Variants in FAM120A observed in about 807,000 individuals in gnomAD.
The protein encoded by FAM120A is family with sequence similarity 120 member A, also known as constitutive coactivator of PPAR-gamma-like protein 1.
A neutral mutation model predicts 109.7 loss-of-function variants in FAM120A; 15 were observed. That is an observed-to-expected ratio of 0.14 (90% CI 0.09 to 0.21). FAM120A has a LOEUF of 0.21. Ranked by LOEUF, FAM120A falls within the 10% of genes least tolerant of loss-of-function variation. The pLI is 1.00. For synonymous variants in FAM120A, 493 were observed against 572.8 expected (o/e 0.86, Z 1.99); for missense variants, 899 against 1,439.3 (o/e 0.62, Z 6.07).
At chr9:93,475,950 C>A (rs1015180601) in intron 2 of FAM120A, among the ~76,000 whole-genome samples, 1 of 152,122 alleles carries the variant, frequency 6.6e-6, no homozygotes, top group African/African-American at 2.4e-5. Context: ...TATTTGATAT[C>A]CTGACATTGT....
chr9:93,511,380 T>C (rs1860312379), intron 5 of FAM120A, among the ~76,000 whole-genome samples: 1 of 152,200 alleles, frequency 6.6e-6, no homozygotes, highest in African/African-American at 2.4e-5. Flanking sequence ...GAGTTGCTCC[T>C]CCATCCTTTG....
intron 9 of FAM120A, chr9:93,531,341 A>G (rs1020411743): frequency 3.3e-5 from 5 of 152,256 alleles, no homozygotes; most frequent in Non-Finnish European, 7.3e-5. Flanking sequence ...AATGAACTTC[A>G]TAGACATTGA....
chr9:93,497,439 TC>T (rs754302450), intron 3 of FAM120A, 31 bp from the exon 4 acceptor site: 14 of 1,609,368 alleles, frequency 8.7e-6, no homozygotes, highest in Non-Finnish European at 1.0e-5. Flanking sequence ...TTGCTCACCA[TC>T]CACTGTTGAC....
rs1319145105 is a variant in FAM120A at position 93,500,870 on chromosome 9, C to T, written c.1030+1984C>T. Among the ~76,000 whole-genome samples the T allele has an allele frequency of 6.6e-6, 1 of 152,148 alleles. No individual in the cohort carries two copies. The highest frequency in any genetic ancestry group is 1.9e-4 in the East Asian group (1 of 5,200). ...CCACCTGTGGCCTACTGCCTCCTGA[C>T]CTCGAGCTCCCTATTTTATAGAATG... On this transcript the variant is annotated intron_variant, in intron 5 of 17. Coordinates refer to ENST00000277165, the MANE Select transcript of FAM120A (RefSeq NM_014612.5). The surrounding 1 kb of genome is among the most constrained non-coding windows in gnomAD (Gnocchi z 4.6).
intron 7 of FAM120A, among the ~76,000 whole-genome samples, chr9:93,524,199 C>T (rs1266128076): frequency 6.6e-6 from 1 of 152,186 alleles, no homozygotes; most frequent in Non-Finnish European, 1.5e-5. Context: ...GATTTATTTT[C>T]TTCCATTTTG....
chr9:93,528,039 C>G (rs1861163108), intron 8 of FAM120A, among the ~76,000 whole-genome samples: 2 of 152,166 alleles, frequency 1.3e-5, no homozygotes. Context: ...GGTTTCCTGC[C>G]TGAAGGTTTT....
rs141349989 is a variant in FAM120A at position 93,486,495 on chromosome 9, A to G, written c.804+10157A>G. Among the ~76,000 whole-genome samples the G allele has an allele frequency of 2.0e-4, 30 of 150,176 alleles. No individual in the cohort carries two copies. The East Asian group carries it at 4.5e-3, about 22-fold the overall frequency. On this transcript the variant is annotated intron_variant, in intron 3 of 17. Transcript: ENST00000277165. ...AATTGCTGAGTCATGTAGTAGGTCT[A>G]TGCTTAGATATTTTTTTCTTTCTTT...
intron 7 of FAM120A, chr9:93,523,254 G>A (rs1292028461): frequency 1.2e-5 from 15 of 1,232,932 alleles, no homozygotes; most frequent in Non-Finnish European, 1.5e-5. Flanking sequence ...TGAAGATGGT[G>A]TTGAATGTTT....
At chr9:93,562,421 C>G (rs1862498996) in intron 17 of FAM120A, 117 bp downstream of exon 17, 1 of 732,040 alleles carries the variant, frequency 1.4e-6, no homozygotes, top group African/African-American at 1.8e-5. Flanking sequence ...AATGCTTTAG[C>G]TGTCAAGTGT....
chr9:93,503,927 A>C (rs911805905), intron 5 of FAM120A, among the ~76,000 whole-genome samples: 1 of 152,256 alleles, frequency 6.6e-6, no homozygotes, highest in East Asian at 1.9e-4. Flanking sequence ...GGTGTGGTAA[A>C]TAAGAGAGGA....
At position 93,561,110 on chromosome 9, in the gene FAM120A, A is replaced by C; in HGVS notation, c.2808A>C (p.Gly936=). ...TCTTTTTGTATATTTTTTATGCAGGAGTCCAACCTATACCTTCTCAGGGAG... is the reference window on the plus strand; with the variant it reads ...TCTTTTTGTATATTTTTTATGCAGGCGTCCAACCTATACCTTCTCAGGGAG... ...DSSRTSKSQG[G]VQPIPSQGGK... The change falls in exon 16 of 18, where the codon GGA becomes GGC. Residue 936 remains glycine (G), a splice_region_variant and synonymous_variant. Coordinates refer to ENST00000277165, the MANE Select transcript of FAM120A (RefSeq NM_014612.5). The C allele has an allele frequency of 1.9e-6, 3 of 1,613,182 alleles. No individual in the cohort carries two copies. The highest frequency in any genetic ancestry group is 2.5e-6 in the Non-Finnish European group (3 of 1,179,800).
chr9:93,556,447 C>T lies in FAM120A; in HGVS notation c.2340C>T (p.Ala780=), dbSNP rs1232149522. The change falls in exon 13 of 18, where the codon GCC becomes GCT. Residue 780 remains alanine, a synonymous_variant. Transcript: ENST00000277165. ...TCTTCATGAGTGGAGTAGACATGGC[C>T]TTGTTTGCAAATGATGCATGCGGAC... ...SALFMSGVDM[A]LFANDACGQP... is the part of the protein sequence containing the mutation. 1 of 1,614,168 alleles carries T rather than the reference C, an allele frequency of 6.2e-7. No homozygotes were observed. The highest frequency in any genetic ancestry group is 1.7e-5 in the Admixed American group (1 of 60,012).
intron 5 of FAM120A, among the ~76,000 whole-genome samples, chr9:93,503,878 T>C (rs989572635): frequency 6.6e-6 from 1 of 152,078 alleles, no homozygotes; most frequent in Non-Finnish European, 1.5e-5. Flanking sequence ...GCTCGTTGAT[T>C]TGTGCATTTC....
At chr9:93,476,924 G>A (rs1447059827) in intron 3 of FAM120A, among the ~76,000 whole-genome samples, 1 of 152,164 alleles carries the variant, frequency 6.6e-6, no homozygotes, top group African/African-American at 2.4e-5. Flanking sequence ...GGAAGTGTCT[G>A]TGTTTGATGT....
At chr9:93,504,620 C>T (rs1482091389) in intron 5 of FAM120A, among the ~76,000 whole-genome samples, 1 of 152,136 alleles carries the variant, frequency 6.6e-6, no homozygotes, top group Admixed American at 6.5e-5. Context: ...GTGTTTCATT[C>T]ATGTTGGCAT....
chr9:93,512,898 C>T (rs1860395094), intron 5 of FAM120A, among the ~76,000 whole-genome samples: 1 of 152,134 alleles, frequency 6.6e-6, no homozygotes, highest in African/African-American at 2.4e-5. Flanking sequence ...AGAAAATATT[C>T]TTTCCTTGGA....
intron 3 of FAM120A, among the ~76,000 whole-genome samples, chr9:93,480,895 C>T (rs1188833924): frequency 6.6e-6 from 1 of 152,194 alleles, no homozygotes. Context: ...GGCCGCTGTG[C>T]TCCTTTCATG....
intron 12 of FAM120A, among the ~76,000 whole-genome samples, chr9:93,553,639 T>C (rs1486717965): frequency 6.6e-6 from 1 of 152,206 alleles, no homozygotes; most frequent in Non-Finnish European, 1.5e-5. Flanking sequence ...ATATTTTATC[T>C]CAATTGATAT....
At chr9:93,464,084 G>A (rs1274999047) in intron 1 of FAM120A, among the ~76,000 whole-genome samples, 1 of 152,216 alleles carries the variant, frequency 6.6e-6, no homozygotes, top group Non-Finnish European at 1.5e-5. Context: ...TGGTGCCAGA[G>A]ACACAAACCT....
Sources: gnomAD v4.1 joint callset for allele counts (sites outside exome capture counted in the v4.1 genomes callset) on GRCh38, gnomAD v4.1.1 for gene constraint, Gnocchi (gnomAD v3.1) non-coding constraint, MANE v1.5 for transcripts, NCBI Gene and HGNC (gene_info 2026-07-23, HGNC 2026-07-21) for gene names.